Variants in TGFBR2 observed in about 807,000 individuals in gnomAD.
The protein encoded by TGFBR2 is transforming growth factor beta receptor 2.
TGFBR2 carries 18 observed loss-of-function variants against 49.0 expected under a neutral mutation model. That is an observed-to-expected ratio of 0.37 (90% CI 0.25 to 0.54). The LOEUF is 0.54. TGFBR2 is among the 20% of genes least tolerant of loss of function. TGFBR2 has a pLI of 0.85. For missense variants in TGFBR2, 525 were observed against 722.6 expected (o/e 0.73, Z 3.13); for synonymous variants, 282 against 275.9 (o/e 1.02, Z -0.22).
At chr3:30,619,927 C>T (rs1698196676) in intron 1 of TGFBR2, among the ~76,000 whole-genome samples, 1 of 149,440 alleles carries the variant, frequency 6.7e-6, no homozygotes, top group South Asian at 2.1e-4. Context: ...GTGGCTTATG[C>T]CTGTAATCCC....
At chr3:30,607,060 G>A (rs1697936463) in intron 1 of TGFBR2, 83 bp downstream of exon 1, 11 of 1,261,378 alleles carry the variant, frequency 8.7e-6, no homozygotes, top group African/African-American at 1.5e-5. Flanking sequence ...TGACAGTCGG[G>A]CCCGGCAACC....
intron 1 of TGFBR2, among the ~76,000 whole-genome samples, chr3:30,623,924 C>G (rs1698281879): frequency 6.6e-6 from 1 of 152,196 alleles, no homozygotes; most frequent in African/African-American, 2.4e-5. Context: ...GGTGGATCAC[C>G]TGAGGTCAAG....
At chr3:30,619,796 T>TG (rs1698194828) in intron 1 of TGFBR2, among the ~76,000 whole-genome samples, 1 of 152,216 alleles carries the variant, frequency 6.6e-6, no homozygotes, top group African/African-American at 2.4e-5. Context: ...CATCCCACTG[T>TG]GATTCCTTTT....
intron 1 of TGFBR2, among the ~76,000 whole-genome samples, chr3:30,610,273 G>A (rs1456555225): frequency 1.3e-5 from 2 of 152,204 alleles, no homozygotes; most frequent in East Asian, 1.9e-4. Flanking sequence ...ATATTTGAAA[G>A]CATTATGGAA....
At chr3:30,632,458 C>T (rs753900550) in intron 1 of TGFBR2, among the ~76,000 whole-genome samples, 12 of 152,154 alleles carry the variant, frequency 7.9e-5, no homozygotes, top group African/African-American at 2.2e-4. Context: ...TTTATTGTAA[C>T]GATGATTGAT....
chr3:30,671,293 A>G (rs560960631), intron 3 of TGFBR2, among the ~76,000 whole-genome samples: 56 of 152,304 alleles, frequency 3.7e-4, no homozygotes, highest in African/African-American at 1.3e-3. Flanking sequence ...GTAGAGTCAT[A>G]GTTCATTTAG....
intron 3 of TGFBR2, among the ~76,000 whole-genome samples, chr3:30,668,694 T>A (rs1369837441): frequency 6.6e-6 from 1 of 152,170 alleles, no homozygotes; most frequent in African/African-American, 2.4e-5. Context: ...AGAATTTATG[T>A]TTTTAAGGAT....
At chr3:30,689,307 A>T (rs1265163967) in intron 6 of TGFBR2, among the ~76,000 whole-genome samples, 1 of 152,170 alleles carries the variant, frequency 6.6e-6, no homozygotes, top group Non-Finnish European at 1.5e-5. Flanking sequence ...AACCAGCTAT[A>T]TGTCTGACAC....
intron 3 of TGFBR2, among the ~76,000 whole-genome samples, chr3:30,669,606 T>C (rs1186352493): frequency 6.6e-6 from 1 of 152,168 alleles, no homozygotes; most frequent in Non-Finnish European, 1.5e-5. Context: ...CACCCTAATC[T>C]TATTATGCAA....
intron 3 of TGFBR2, among the ~76,000 whole-genome samples, chr3:30,651,417 T>C (rs1298159609): frequency 6.6e-6 from 1 of 152,174 alleles, no homozygotes; most frequent in East Asian, 1.9e-4. Context: ...CATCTGTCCA[T>C]CCTTCCATCC....
chr3:30,683,354 A>G (rs1443120919), intron 5 of TGFBR2, among the ~76,000 whole-genome samples: 1 of 152,194 alleles, frequency 6.6e-6, no homozygotes, highest in Non-Finnish European at 1.5e-5. Context: ...TGTGCCTTTA[A>G]TAGCAGTTTG....
chr3:30,633,318 C>T (rs1035785096), intron 1 of TGFBR2, among the ~76,000 whole-genome samples: 8 of 152,048 alleles, frequency 5.3e-5, no homozygotes, highest in African/African-American at 1.4e-4. Flanking sequence ...GGTCTGCATT[C>T]GATAAATCAT....
At chr3:30,611,335 G>T (rs1698026112) in intron 1 of TGFBR2, among the ~76,000 whole-genome samples, 1 of 152,142 alleles carries the variant, frequency 6.6e-6, no homozygotes, top group African/African-American at 2.4e-5. Context: ...TTTACTTTCA[G>T]TTAGAATAGT....
At chr3:30,614,561 G>A (rs923036413) in intron 1 of TGFBR2, among the ~76,000 whole-genome samples, 1 of 152,060 alleles carries the variant, frequency 6.6e-6, no homozygotes, top group Admixed American at 6.6e-5. Flanking sequence ...AATGAAATTG[G>A]GCTTATTTCC....
At chr3:30,686,919 C>A (rs529050766) in intron 5 of TGFBR2, among the ~76,000 whole-genome samples, 5 of 152,302 alleles carry the variant, frequency 3.3e-5, no homozygotes, top group Admixed American at 1.3e-4. Flanking sequence ...TTCATTCATT[C>A]ATTCATTCAC....
At chr3:30,663,726 G>A (rs1266430216) in intron 3 of TGFBR2, among the ~76,000 whole-genome samples, 1 of 152,066 alleles carries the variant, frequency 6.6e-6, no homozygotes, top group African/African-American at 2.4e-5. Context: ...CTTCTGGGGT[G>A]GCCAGCAAAA....
intron 2 of TGFBR2, among the ~76,000 whole-genome samples, chr3:30,645,783 A>C (rs991668643): frequency 2.6e-5 from 4 of 151,516 alleles, no homozygotes; most frequent in African/African-American, 4.9e-5. Context: ...ACCATGCCCG[A>C]CCAGAACTAT....
At chr3:30,648,462 A>ACACACACACACCC (rs71786414) in intron 2 of TGFBR2, among the ~76,000 whole-genome samples, 1 of 149,764 alleles carries the variant, frequency 6.7e-6, no homozygotes, top group Non-Finnish European at 1.5e-5. Context: ...ACACACACAC[A>ACACACACACACCC]AAACTGTGGG....
intron 5 of TGFBR2, among the ~76,000 whole-genome samples, chr3:30,675,366 G>A (rs1421132191): frequency 6.7e-6 from 1 of 148,972 alleles, no homozygotes; most frequent in African/African-American, 2.5e-5. Flanking sequence ...CTGGTTGGCT[G>A]CCAAATGAAG....
Sources: allele counts gnomAD v4.1 joint callset (sites outside exome capture counted in the v4.1 genomes callset), GRCh38; gene constraint gnomAD v4.1.1; transcripts MANE v1.5; gene names NCBI Gene and HGNC (gene_info 2026-07-23, HGNC 2026-07-21).